The following PLCL1 variants were observed in gnomAD, a reference collection of about 807,000 sequenced individuals.
The protein encoded by PLCL1 is inactive phospholipase C-like protein 1.
Under a neutral mutation model 84.4 loss-of-function variants are expected in PLCL1, and 41 were observed. The ratio of observed to expected loss-of-function variants is 0.49; its 90% CI spans 0.38 to 0.63. PLCL1 has a LOEUF of 0.63. Ranked by LOEUF, PLCL1 falls within the 30% of genes least tolerant of loss-of-function variation. The pLI is 0.00. For missense variants in PLCL1, 1,206 were observed against 1,367.8 expected (o/e 0.88, Z 1.87); for synonymous variants, 490 against 488.3 (o/e 1.00, Z -0.05).
At chr2:197,822,838 G>A (rs1271722291) in intron 1 of PLCL1, among the ~76,000 whole-genome samples, 1 of 151,988 alleles carries the variant, frequency 6.6e-6, no homozygotes, top group Admixed American at 6.6e-5. Context: ...CAGGAGAATT[G>A]TTTTTCTGGA....
chr2:197,866,966 A>C (rs1414984789), intron 1 of PLCL1, among the ~76,000 whole-genome samples: 1 of 152,200 alleles, frequency 6.6e-6, no homozygotes, highest in Non-Finnish European at 1.5e-5. Flanking sequence ...AAAGCTAAAG[A>C]AGGACCAGTA....
At position 197,896,885 on chromosome 2, in the gene PLCL1, T is replaced by C; in HGVS notation, c.240+91546T>C. ...AATGGTTCCATGTGGCCACTGATGATTCTCCAGTTGTGCTTTTCTGTCTTA... is the reference window on the plus strand; with the variant it reads ...AATGGTTCCATGTGGCCACTGATGACTCTCCAGTTGTGCTTTTCTGTCTTA... On this transcript the variant is annotated intron_variant, in intron 1 of 5. Coordinates refer to ENST00000428675, the MANE Select transcript of PLCL1 (RefSeq NM_006226.4). 1.3e-5 allele frequency among the ~76,000 whole-genome samples: 2 copies of C among 149,334 alleles called. 1 individual carries two copies. Among genetic ancestry groups the C allele is most frequent in the Non-Finnish European group, 3.0e-5 (2 of 66,350 alleles).
intron 1 of PLCL1, among the ~76,000 whole-genome samples, chr2:198,034,141 C>A (rs1326032146): frequency 1.3e-5 from 2 of 152,000 alleles, no homozygotes; most frequent in Non-Finnish European, 2.9e-5. Context: ...GCTATCCCTC[C>A]CCCTCCCCTC....
At chr2:198,109,254 G>T (rs918346641) in intron 5 of PLCL1, among the ~76,000 whole-genome samples, 1 of 151,696 alleles carries the variant, frequency 6.6e-6, no homozygotes, top group South Asian at 2.1e-4. Context: ...GGGGAGGAAC[G>T]GTGTCTCCTC....
At chr2:198,026,272 G>T (rs1189978358) in intron 1 of PLCL1, among the ~76,000 whole-genome samples, 2 of 152,118 alleles carry the variant, frequency 1.3e-5, no homozygotes, top group East Asian at 3.8e-4. Flanking sequence ...TAACTAATAT[G>T]CATATAACTT....
chr2:197,866,954 A>G (rs1408723113), intron 1 of PLCL1, among the ~76,000 whole-genome samples: 9 of 152,228 alleles, frequency 5.9e-5, no homozygotes, highest in African/African-American at 2.2e-4. Flanking sequence ...GGCATCATTC[A>G]TAAAGCTAAA....
intron 5 of PLCL1, among the ~76,000 whole-genome samples, chr2:198,121,816 G>A (rs1052240575): frequency 8.6e-5 from 13 of 151,940 alleles, no homozygotes; most frequent in African/African-American, 3.1e-4. Context: ...CATATGCACT[G>A]GACTGGCAAT....
chr2:198,074,395 T>C (rs780165903), intron 1 of PLCL1, among the ~76,000 whole-genome samples: 9 of 152,290 alleles, frequency 5.9e-5, no homozygotes, highest in Non-Finnish European at 1.2e-4. Context: ...TTGAAGCACA[T>C]TGGGTATTTC....
At chr2:197,835,091 T>G (rs536069106) in intron 1 of PLCL1, among the ~76,000 whole-genome samples, 2 of 151,944 alleles carry the variant, frequency 1.3e-5, no homozygotes, top group Non-Finnish European at 2.9e-5. Flanking sequence ...TAAGTGTGAG[T>G]TGAACAATGA....
intron 1 of PLCL1, among the ~76,000 whole-genome samples, chr2:197,947,512 T>C (rs1269581401): frequency 6.6e-6 from 1 of 151,972 alleles, no homozygotes; most frequent in African/African-American, 2.4e-5. Flanking sequence ...TGATATTTGG[T>C]TAGAGACCTT....
intron 1 of PLCL1, among the ~76,000 whole-genome samples, chr2:197,808,612 G>C (rs1690527398): frequency 6.6e-6 from 1 of 151,948 alleles, no homozygotes; most frequent in Admixed American, 6.5e-5. Flanking sequence ...TTTTAAATTT[G>C]GCATTGAAAT....
At chr2:197,975,140 T>A in intron 1 of PLCL1, among the ~76,000 whole-genome samples, 1 of 94,470 alleles carries the variant, frequency 1.1e-5, no homozygotes, top group African/African-American at 4.4e-5. Flanking sequence ...AGAGCGAGAC[T>A]CCATCTCAAA....
chr2:198,117,341 T>TC (rs1346473391), intron 5 of PLCL1, among the ~76,000 whole-genome samples: 3 of 151,168 alleles, frequency 2.0e-5, no homozygotes, highest in Admixed American at 1.3e-4. Context: ...TTTTTTTCTT[T>TC]TTTTTTTTCA....
At chr2:198,061,142 C>T (rs1230486595) in intron 1 of PLCL1, among the ~76,000 whole-genome samples, 1 of 152,068 alleles carries the variant, frequency 6.6e-6, no homozygotes, top group African/African-American at 2.4e-5. Context: ...AAAAAGATTA[C>T]AGATAATTAT....
chr2:197,842,920 G>A (rs1450420793), intron 1 of PLCL1, among the ~76,000 whole-genome samples: 1 of 152,152 alleles, frequency 6.6e-6, no homozygotes, highest in Non-Finnish European at 1.5e-5. Context: ...AGGCAGTAAG[G>A]AATAGGAAAG....
At chr2:198,068,428 G>A (rs1345866777) in intron 1 of PLCL1, among the ~76,000 whole-genome samples, 3 of 152,174 alleles carry the variant, frequency 2.0e-5, no homozygotes, top group East Asian at 1.9e-4. Context: ...AAAGTGTAAT[G>A]TGAATATTTT....
intron 3 of PLCL1, among the ~76,000 whole-genome samples, chr2:198,092,815 T>C (rs1377913929): frequency 6.6e-6 from 1 of 152,224 alleles, no homozygotes; most frequent in Non-Finnish European, 1.5e-5. Flanking sequence ...GAATGTAAAC[T>C]CCGTGAGGTT....
intron 1 of PLCL1, among the ~76,000 whole-genome samples, chr2:197,812,328 TTAG>T (rs1690604537): frequency 6.6e-6 from 1 of 152,190 alleles, no homozygotes; most frequent in Non-Finnish European, 1.5e-5. Flanking sequence ...GTGGGATTGG[TTAG>T]TCAAATGGTA....
chr2:197,908,125 G>T (rs1688418116), intron 1 of PLCL1, among the ~76,000 whole-genome samples: 1 of 152,140 alleles, frequency 6.6e-6, no homozygotes, highest in Admixed American at 6.6e-5. Context: ...ATGGATGAAG[G>T]TGCCTTTTAC....
Sources: gnomAD v4.1 joint callset for allele counts (sites outside exome capture counted in the v4.1 genomes callset) on GRCh38, gnomAD v4.1.1 for gene constraint, MANE v1.5 for transcripts, NCBI Gene and HGNC (gene_info 2026-07-23, HGNC 2026-07-21) for gene names.